Variants in CTNNA2 observed in about 807,000 individuals in gnomAD.
CTNNA2 encodes catenin alpha 2.
CTNNA2 carries 42 observed loss-of-function variants against 101.0 expected under a neutral mutation model. That is an observed-to-expected ratio of 0.42 (90% CI 0.32 to 0.54). The LOEUF is 0.54. CTNNA2 is among the 20% of genes least tolerant of loss of function. CTNNA2 has a pLI of 0.14. For missense variants in CTNNA2, 871 were observed against 1,223.1 expected (o/e 0.71, Z 4.29); for synonymous variants, 450 against 456.4 (o/e 0.99, Z 0.18).
rs544488965 is a variant in CTNNA2, at chr2:79,524,477, T to G, written c.-6+11270T>G. Among the ~76,000 whole-genome samples, 228 of 151,692 alleles carry G rather than the reference T, an allele frequency of 1.5e-3. 1 individual carries two copies. The highest frequency in any genetic ancestry group is 2.6e-3 in the Non-Finnish European group (175 of 67,858). The stretch of plus-strand genomic sequence containing the variant: ...AAAAAAACGTGCCCTTGTGTTTTTC[T>G]TAGCAATTTGTATTACCTCTTTTAT... On this transcript the variant is annotated intron_variant, in intron 1 of 18. Coordinates refer to ENST00000402739, the MANE Select transcript of CTNNA2 (RefSeq NM_001282597.3).
chr2:80,256,353 G>A (rs1254340479), intron 7 of CTNNA2, among the ~76,000 whole-genome samples: 1 of 152,140 alleles, frequency 6.6e-6, no homozygotes, highest in African/African-American at 2.4e-5. Context: ...TGATGGGTGT[G>A]TTAGTAGCTC....
intron 7 of CTNNA2, among the ~76,000 whole-genome samples, chr2:80,373,380 C>T (rs13407218): frequency 0.11 from 16,805 of 152,154 alleles, 2,373 homozygotes; most frequent in African/African-American, 0.33. Flanking sequence ...AACCTGAACT[C>T]TGAAAGGGAC....
upstream of CTNNA2, among the ~76,000 whole-genome samples, chr2:79,511,327 A>T (rs992862716): frequency 2.6e-5 from 4 of 152,298 alleles, no homozygotes; most frequent in African/African-American, 9.6e-5. Flanking sequence ...TTCAAAATTC[A>T]GCTGAAGGCC....
At chr2:80,233,313 C>T (rs1351431251) in intron 7 of CTNNA2, among the ~76,000 whole-genome samples, 1 of 152,082 alleles carries the variant, frequency 6.6e-6, no homozygotes, top group Non-Finnish European at 1.5e-5. Context: ...GAAGCAATCC[C>T]ACCGAAAAAG....
chr2:80,229,413 A>G (rs974714535), intron 7 of CTNNA2, among the ~76,000 whole-genome samples: 1 of 152,238 alleles, frequency 6.6e-6, no homozygotes, highest in Non-Finnish European at 1.5e-5. Context: ...AATAATTGTT[A>G]GAATGGCTCA....
At chr2:79,206,121 C>T (rs1400464114) in intron 2 of CTNNA2, among the ~76,000 whole-genome samples, 1 of 151,898 alleles carries the variant, frequency 6.6e-6, no homozygotes, top group African/African-American at 2.4e-5. Context: ...ATTTATTTAC[C>T]AAATGACTGT....
At chr2:79,701,109 A>G (rs796530192) in intron 2 of CTNNA2, among the ~76,000 whole-genome samples, 29 of 152,312 alleles carry the variant, frequency 1.9e-4, no homozygotes, top group African/African-American at 6.5e-4. Context: ...CATCAGTACT[A>G]ATAATAGCTA....
chr2:79,532,065 G>A (rs1672780110), intron 1 of CTNNA2, among the ~76,000 whole-genome samples: 1 of 152,106 alleles, frequency 6.6e-6, no homozygotes, highest in Non-Finnish European at 1.5e-5. Flanking sequence ...CTCTGTTACA[G>A]ACGCTGGTTT....
intron 1 of CTNNA2, chr2:79,649,470 A>G (rs553397144): frequency 2.9e-4 from 45 of 154,900 alleles, no homozygotes; most frequent in African/African-American, 9.8e-4. Context: ...CTGTATCATA[A>G]GTACTGGACT....
chr2:79,459,867 G>A (rs190451592), intron 4 of CTNNA2, among the ~76,000 whole-genome samples: 1 of 152,042 alleles, frequency 6.6e-6, no homozygotes, highest in African/African-American at 2.4e-5. Context: ...CTCTTACGTT[G>A]CAGCATCCTT....
chr2:79,567,595 C>T (rs1213685220), intron 1 of CTNNA2, among the ~76,000 whole-genome samples: 1 of 151,994 alleles, frequency 6.6e-6, no homozygotes, highest in Non-Finnish European at 1.5e-5. Context: ...CCTCTCATCC[C>T]AGTCAAAATG....
At chr2:79,930,896 A>G (rs1163502521) in intron 7 of CTNNA2, among the ~76,000 whole-genome samples, 1 of 152,240 alleles carries the variant, frequency 6.6e-6, no homozygotes, top group Non-Finnish European at 1.5e-5. Flanking sequence ...TGCAGCAAGT[A>G]TTACTCAACA....
intron 13 of CTNNA2, among the ~76,000 whole-genome samples, chr2:80,575,978 T>A: frequency 6.6e-6 from 1 of 152,176 alleles, no homozygotes; most frequent in East Asian, 1.9e-4. Flanking sequence ...AATGGCTTCA[T>A]TTTGCACTTA....
chr2:80,191,414 G>T (rs557759060), intron 7 of CTNNA2, among the ~76,000 whole-genome samples: 9 of 152,266 alleles, frequency 5.9e-5, no homozygotes, highest in Non-Finnish European at 1.2e-4. Flanking sequence ...GCCAGAAGTG[G>T]TACTAAGGAC....
At chr2:79,792,456 AC>A (rs899656197) in intron 3 of CTNNA2, among the ~76,000 whole-genome samples, 3 of 152,104 alleles carry the variant, frequency 2.0e-5, no homozygotes, top group Non-Finnish European at 4.4e-5. Context: ...TGGCAGGCTG[AC>A]TTTTTAGCTT....
At chr2:80,124,482 G>A (rs913011109) in intron 7 of CTNNA2, among the ~76,000 whole-genome samples, 3 of 152,050 alleles carry the variant, frequency 2.0e-5, no homozygotes, top group Non-Finnish European at 1.5e-5. Context: ...TCCGGGGTTC[G>A]CAACCAAATA....
chr2:79,482,297 TG>T (rs1671116944), intron 4 of CTNNA2, among the ~76,000 whole-genome samples: 1 of 152,160 alleles, frequency 6.6e-6, no homozygotes, highest in Non-Finnish European at 1.5e-5. Flanking sequence ...TACATTTCCT[TG>T]GAAAAGTATC....
intron 4 of CTNNA2, among the ~76,000 whole-genome samples, chr2:79,381,112 C>T (rs1176513308): frequency 2.0e-5 from 3 of 152,142 alleles, no homozygotes; most frequent in African/African-American, 7.2e-5. Context: ...GCTTTATTCT[C>T]TTAGCAAGAT....
At chr2:80,460,341 C>T (rs1572944511) in intron 9 of CTNNA2, among the ~76,000 whole-genome samples, 1 of 152,156 alleles carries the variant, frequency 6.6e-6, no homozygotes, top group East Asian at 1.9e-4. Flanking sequence ...TTAAGCATGC[C>T]TATATCTTGT....
Sources: allele counts gnomAD v4.1 joint callset (sites outside exome capture counted in the v4.1 genomes callset), GRCh38; gene constraint gnomAD v4.1.1; transcripts MANE v1.5; gene names NCBI Gene and HGNC (gene_info 2026-07-23, HGNC 2026-07-21).